The following FMN2 variants were observed in gnomAD, a reference collection of about 807,000 sequenced individuals.
The protein encoded by FMN2 is formin 2.
In FMN2, 51 loss-of-function variants were observed where a neutral mutation model predicts 142.3. The ratio of observed to expected loss-of-function variants is 0.36; its 90% CI spans 0.29 to 0.45. FMN2 has a LOEUF of 0.45. Among genes scored for constraint, FMN2 ranks in the 20% least tolerant of loss-of-function variants. FMN2 has a pLI of 1.00. For synonymous variants in FMN2, 882 were observed against 869.8 expected (o/e 1.01, Z -0.25); for missense variants, 1,936 against 2,122.8 (o/e 0.91, Z 1.73).
chr1:240,183,179 A>C (rs1665224656), intron 3 of FMN2, among the ~76,000 whole-genome samples: 1 of 151,652 alleles, frequency 6.6e-6, no homozygotes, highest in East Asian at 1.9e-4. Flanking sequence ...GGCCTCCCAA[A>C]GTGCTGGGAT....
chr1:240,303,635 T>G (rs1195656738), intron 8 of FMN2, among the ~76,000 whole-genome samples: 1 of 152,196 alleles, frequency 6.6e-6, no homozygotes, highest in Admixed American at 6.5e-5. Flanking sequence ...TGTATCTCGA[T>G]GTAGGGCTCT....
intron 16 of FMN2, among the ~76,000 whole-genome samples, chr1:240,465,141 C>T (rs1333346244): frequency 6.6e-6 from 1 of 152,072 alleles, no homozygotes; most frequent in Middle Eastern, 3.2e-3. Flanking sequence ...ACCAAATCAC[C>T]TTTAATTCCA....
At chr1:240,452,194 A>T (rs1388136282) in intron 16 of FMN2, among the ~76,000 whole-genome samples, 5 of 152,272 alleles carry the variant, frequency 3.3e-5, no homozygotes, top group African/African-American at 1.2e-4. Context: ...CTGTCTCAAA[A>T]AAATAAATAA....
At chr1:240,312,561 G>A (rs1161607731) in intron 8 of FMN2, among the ~76,000 whole-genome samples, 1 of 152,154 alleles carries the variant, frequency 6.6e-6, no homozygotes, top group Non-Finnish European at 1.5e-5. Flanking sequence ...TTTACCAGAT[G>A]AATGCAAATA....
intron 7 of FMN2, among the ~76,000 whole-genome samples, chr1:240,274,221 G>GAAA (rs112979143): frequency 9.1e-6 from 1 of 109,438 alleles, no homozygotes; most frequent in Non-Finnish European, 2.0e-5. Context: ...TGGGGGAAAC[G>GAAA]AAAAAAAAAA....
intron 15 of FMN2, among the ~76,000 whole-genome samples, chr1:240,424,674 T>C (rs74151669): frequency 0.056 from 8,480 of 152,246 alleles, 724 homozygotes; most frequent in African/African-American, 0.19. Flanking sequence ...CCCATAAGGA[T>C]GCTCACAGGT....
rs1354108977 is a variant in FMN2, at chr1:240,453,868, A to G, written c.5060+15658A>G. 2.8e-4 allele frequency among the ~76,000 whole-genome samples: 16 copies of G among 58,148 alleles called. 6 individuals carry two copies. Among genetic ancestry groups the G allele is most frequent in the Admixed American group, 1.0e-3 (5 of 5,022 alleles). The allele number at this position is 58,148 out of a possible 152,430, so 38.1% of individuals were successfully genotyped here. A position where few individuals can be genotyped will look rare whatever the true frequency, so the allele number is the denominator to read the frequency against. On this transcript the variant is annotated intron_variant, in intron 16 of 17. Transcript: ENST00000319653. ...GCCGGGCGCGGTGGCGGGCGCCTGT[A>G]GTCCCAGCTACTCGGGAGGCTGAGG...
At chr1:240,144,124 G>A in intron 2 of FMN2, 1 of 1,212,106 alleles carries the variant, frequency 8.3e-7, no homozygotes, top group Non-Finnish European at 1.2e-6. Flanking sequence ...ACATCCCACA[G>A]CAGCAGCATC....
chr1:240,233,391 GAA>G lies in FMN2; in HGVS notation c.4065+22170_4065+22171del, dbSNP rs61268991. On this transcript the variant is annotated intron_variant, in intron 6 of 17. Coordinates refer to ENST00000319653, the MANE Select transcript of FMN2 (RefSeq NM_020066.5). ...CAGAGCGAGACTTCATCTCAAAAAA[GAA>G]AAAAAAAAAAAAAGACTGTGTATGG... Among the ~76,000 whole-genome samples, 507 of 116,676 alleles carry G rather than the reference GAA, an allele frequency of 4.3e-3. 2 individuals carry two copies. Among genetic ancestry groups the G allele is most frequent in the Admixed American group, 0.022 (229 of 10,630 alleles). 76.5% of individuals were successfully genotyped at this position (116,676 alleles called of 152,430 possible).
At chr1:240,355,161 A>T (rs982089205) in intron 13 of FMN2, among the ~76,000 whole-genome samples, 2 of 151,620 alleles carry the variant, frequency 1.3e-5, no homozygotes, top group African/African-American at 2.4e-5. Flanking sequence ...TTAGTGCCTT[A>T]TTTGAGCCTT....
intron 15 of FMN2, among the ~76,000 whole-genome samples, chr1:240,409,915 A>C (rs1378657110): frequency 1.3e-5 from 2 of 152,218 alleles, no homozygotes; most frequent in African/African-American, 2.4e-5. Context: ...ATGTATATCT[A>C]AGTAATTTTT....
intron 15 of FMN2, among the ~76,000 whole-genome samples, chr1:240,407,687 G>A (rs1187355663): frequency 6.6e-6 from 1 of 152,122 alleles, no homozygotes; most frequent in East Asian, 1.9e-4. Flanking sequence ...TAAAGAGTGT[G>A]CATTCTTCTA....
At chr1:240,181,138 G>A (rs1273928716) in intron 3 of FMN2, among the ~76,000 whole-genome samples, 1 of 151,988 alleles carries the variant, frequency 6.6e-6, no homozygotes, top group Non-Finnish European at 1.5e-5. Flanking sequence ...CCAAAGGGAT[G>A]GGATTACAGG....
At chr1:240,413,880 G>A (rs1308611150) in intron 15 of FMN2, among the ~76,000 whole-genome samples, 1 of 152,168 alleles carries the variant, frequency 6.6e-6, no homozygotes, top group African/African-American at 2.4e-5. Flanking sequence ...CTTAACAACT[G>A]CCGTGAGGCT....
chr1:240,372,542 T>C (rs992506463), intron 14 of FMN2, among the ~76,000 whole-genome samples: 1 of 150,940 alleles, frequency 6.6e-6, no homozygotes, highest in African/African-American at 2.4e-5. Context: ...ATATTATATA[T>C]GCTATGTTTA....
In FMN2 at chr1:240,472,557, T is replaced by C. The variant is rs190414927; in HGVS notation, c.5142+104T>C. On this transcript the variant is annotated intron_variant, in intron 17 of 17. Transcript: ENST00000319653. Reference sequence around the variant, plus strand: ...ATTTTAATTATTTTTCTACTAAGTGTGAATAAATAAGGAGCTTCTGACTTC... The same window carrying C: ...ATTTTAATTATTTTTCTACTAAGTGCGAATAAATAAGGAGCTTCTGACTTC... 3.1e-4 allele frequency: 223 copies of C among 720,966 alleles called. 2 individuals carry two copies. The East Asian group carries it at 6.0e-3, about 19-fold the overall frequency. The allele number at this position is 720,966 out of a possible 1,614,324, so 44.7% of individuals were successfully genotyped here. A position where few individuals can be genotyped will look rare whatever the true frequency, so the allele number is the denominator to read the frequency against.
intron 2 of FMN2, chr1:240,144,111 T>A: frequency 8.6e-7 from 1 of 1,160,846 alleles, no homozygotes; most frequent in Admixed American, 1.7e-5. Flanking sequence ...GAGGCCACCA[T>A]CCACATCCCA....
chr1:240,100,146 G>A (rs897314244), intron 1 of FMN2, among the ~76,000 whole-genome samples: 2 of 152,170 alleles, frequency 1.3e-5, no homozygotes, highest in African/African-American at 2.4e-5. Flanking sequence ...TTTCAATGAG[G>A]TGTGATTGAA....
In FMN2 at chr1:240,143,637, A is replaced by G. The variant is rs1055426474; in HGVS notation, c.1782+20292A>G. 6.2e-6 allele frequency: 10 copies of G among 1,610,060 alleles called. No individual in the cohort carries two copies. The African/African-American group carries it at 1.3e-4, about 22-fold the overall frequency. On this transcript the variant is annotated intron_variant, in intron 2 of 17. Transcript: ENST00000319653. The stretch of plus-strand genomic sequence containing the variant: ...CAAAACTGCGGAATGGCTCTGATGC[A>G]ACCTCCAGTGCAGCCAGGATTGCCT...
Sources: gnomAD v4.1 joint callset for allele counts (sites outside exome capture counted in the v4.1 genomes callset) on GRCh38, gnomAD v4.1.1 for gene constraint, MANE v1.5 for transcripts, NCBI Gene and HGNC (gene_info 2026-07-23, HGNC 2026-07-21) for gene names.